The following METRNL variants were observed in gnomAD, a reference collection of about 807,000 sequenced individuals.
METRNL encodes meteorin-like protein.
A neutral mutation model predicts 17.4 loss-of-function variants in METRNL; 9 were observed. The ratio of observed to expected loss-of-function variants is 0.52; its 90% CI spans 0.31 to 0.90. The LOEUF (loss-of-function observed/expected upper bound fraction) is 0.90, where lower values mean the gene tolerates loss of function less well. Among genes scored for constraint, METRNL ranks in the 40% least tolerant of loss-of-function variants. METRNL has a pLI of 0.05. For synonymous variants in METRNL, 215 were observed against 199.3 expected, an observed-to-expected ratio of 1.08 and a Z score of -0.66; for missense variants, 408 against 430.7, an observed-to-expected ratio of 0.95 and a Z score of 0.47.
intron 1 of METRNL, among the ~76,000 whole-genome samples, chr17:83,083,442 A>G (rs1238615090): frequency 5.9e-5 from 9 of 152,206 alleles, no homozygotes; most frequent in Admixed American, 5.9e-4. Context: ...ATAAGAAGAG[A>G]GCTGACTGTA....
chr17:83,082,302 T>A, intron 1 of METRNL: 8 of 978,794 alleles, frequency 8.2e-6, no homozygotes, highest in Non-Finnish European at 8.5e-6. Context: ...GAGCCGGGCA[T>A]TTTGTCCTGG....
At chr17:83,086,461 T>A (rs1314794099) in intron 2 of METRNL, among the ~76,000 whole-genome samples, 1 of 152,164 alleles carries the variant, frequency 6.6e-6, no homozygotes, top group Non-Finnish European at 1.5e-5. Context: ...GCGGCCTTTA[T>A]CTTGGTCACC....
At chr17:83,086,408 C>T (rs745643432) in intron 2 of METRNL, among the ~76,000 whole-genome samples, 4 of 152,220 alleles carry the variant, frequency 2.6e-5, no homozygotes, top group Non-Finnish European at 5.9e-5. Flanking sequence ...GTAAACTCAG[C>T]TGTGCTGTGG....
rs764644615 is a variant in METRNL at position 83,094,395 on chromosome 17, G to T, written c.756G>T (p.Gly252=). 8 of 1,610,324 alleles carry T rather than the reference G, an allele frequency of 5.0e-6. No individual in the cohort carries two copies. In the African/African-American group the frequency reaches 5.3e-5, roughly 11 times the overall value. Residue 252 remains glycine (G), a synonymous_variant, in exon 4 of 4, where the codon GGG becomes GGT. Coordinates refer to ENST00000320095, the MANE Select transcript of METRNL (RefSeq NM_001004431.3). ...CCGAGGGTGACGGCCACTGGCAGGG[G>T]CGCGTCAGGACGCTGCTGGAGTGTG... is the stretch of plus-strand genomic sequence containing the variant. ...PVPEGDGHWQ[G]RVRTLLECGV... is the part of the protein sequence containing the mutation.
chr17:83,086,759 T>G (rs1303694245), intron 2 of METRNL, among the ~76,000 whole-genome samples: 1 of 152,198 alleles, frequency 6.6e-6, no homozygotes, highest in Non-Finnish European at 1.5e-5. Flanking sequence ...TGTGGTGTAG[T>G]CCGTCCCTGC....
rs1438293326 is a variant in METRNL, at chr17:83,084,980, G to A, written c.213G>A (p.Val71=). ...CACACAGGAAGGAGGTGGAGCAGGT[G>A]TATCTGCGCTGTGCGGCGGGTGCCG... ...HEAHRKEVEQ[V]YLRCAAGAVE... Residue 71 remains valine, a synonymous_variant, in exon 2 of 4, where the codon GTG becomes GTA. Transcript: ENST00000320095. The A allele has an allele frequency of 5.0e-6, 8 of 1,613,724 alleles. No homozygotes were observed. The highest frequency in any genetic ancestry group is 6.8e-6 in the Non-Finnish European group (8 of 1,180,008).
chr17:83,094,142 G>A (rs7223467), intron 3 of METRNL, 114 bp from the exon 4 acceptor site: 2 of 844,568 alleles, frequency 2.4e-6, no homozygotes, highest in Middle Eastern at 2.4e-4. Flanking sequence ...TGGCAGAGTC[G>A]GGGGTCAGCT....
At chr17:83,093,056 C>T (rs530088822) in intron 2 of METRNL, 111 bp from the exon 3 acceptor site, 283 of 844,362 alleles carry the variant, frequency 3.4e-4, no homozygotes, top group Non-Finnish European at 4.5e-4. Context: ...TTGACGTGGA[C>T]ACCCTCCCTG....
At chr17:83,085,406 G>C (rs1363823231) in intron 2 of METRNL, 83 bp downstream of exon 2, 4 of 1,461,200 alleles carry the variant, frequency 2.7e-6, no homozygotes, top group Non-Finnish European at 3.7e-6. Flanking sequence ...ATTTCTTCCT[G>C]TCCCCTCGTC....
Position 83,085,096 on chromosome 17 carries a change from C to T in METRNL, c.329C>T (p.Ser110Phe), listed in dbSNP as rs780947872. ...CGGCACCTGACCGTGTGCATCAGGT[C>T]CTTCACGGACTCCTCGGGGGCCAAT... is the stretch of plus-strand genomic sequence containing the variant. ...PARHLTVCIR[S>F]FTDSSGANIY... Residue 110 changes from serine to phenylalanine, a missense_variant, in exon 2 of 4, where the codon TCC (serine) becomes TTC (phenylalanine). Physicochemically the swap from Ser to Phe is radical, Grantham distance 155 (BLOSUM62 -2). Transcript: ENST00000320095. The T allele has an allele frequency of 6.2e-6, 10 of 1,613,812 alleles. No individual in the cohort carries two copies. Among genetic ancestry groups the T allele is most frequent in the Non-Finnish European group, 3.4e-6 (4 of 1,180,044 alleles).
At chr17:83,089,746 CCCGGCGTCCA>C (rs1011358024) in intron 2 of METRNL, among the ~76,000 whole-genome samples, 16 of 152,148 alleles carry the variant, frequency 1.1e-4, no homozygotes, top group East Asian at 5.8e-4. Flanking sequence ...CCGATTGTCT[CCCGGCGTCCA>C]CCGGCGTCCA....
chr17:83,089,021 G>A (rs1057174645), intron 2 of METRNL, among the ~76,000 whole-genome samples: 2 of 152,076 alleles, frequency 1.3e-5, no homozygotes, highest in Admixed American at 6.5e-5. Context: ...TGTGGCCCCC[G>A]CCAGCTTCCT....
chr17:83,089,450 C>T (rs571332981), intron 2 of METRNL, among the ~76,000 whole-genome samples: 16 of 152,228 alleles, frequency 1.1e-4, no homozygotes, highest in South Asian at 4.1e-4. Context: ...AGCCTCTCCT[C>T]GGAACCAGCC....
chr17:83,091,114 C>T (rs1370463596), intron 2 of METRNL, among the ~76,000 whole-genome samples: 2 of 152,142 alleles, frequency 1.3e-5, no homozygotes, highest in Non-Finnish European at 2.9e-5. Flanking sequence ...TGGCCAGAAG[C>T]TCCCATTCTG....
intron 2 of METRNL, among the ~76,000 whole-genome samples, chr17:83,089,138 C>A (rs2143637615): frequency 6.6e-6 from 1 of 152,246 alleles, no homozygotes; most frequent in South Asian, 2.1e-4. Context: ...AGTGCGGCCG[C>A]AGCGCGACGG....
Position 83,090,931 on chromosome 17 carries a change from C to T in METRNL, c.557-2236C>T, listed in dbSNP as rs1262522714. ...ATCAGGCCCAGCATGGTCTGCAGAC[C>T]CCCAGCCGGCGAGTGGGATGGGGGT... On this transcript the variant is annotated intron_variant, in intron 2 of 3. Transcript: ENST00000320095. Among the ~76,000 whole-genome samples the T allele has an allele frequency of 3.9e-5, 6 of 152,116 alleles. No homozygotes were observed. In the East Asian group the frequency reaches 1.2e-3, roughly 29 times the overall value.
chr17:83,088,931 T>G (rs910205858), intron 2 of METRNL, among the ~76,000 whole-genome samples: 1 of 152,166 alleles, frequency 6.6e-6, no homozygotes, highest in African/African-American at 2.4e-5. Context: ...CTCGTCCATC[T>G]TTGGCTTCCT....
chr17:83,093,232 T>C lies in METRNL; in HGVS notation c.616+6T>C, dbSNP rs754010447. On this transcript the variant is annotated splice_donor_region_variant and intron_variant, in intron 3 of 3. Coordinates refer to ENST00000320095, the MANE Select transcript of METRNL (RefSeq NM_001004431.3). The stretch of plus-strand genomic sequence containing the variant: ...CGTCTGCACCAGCGACTTCGGTGAG[T>C]GTCTCCTCGGCAGCTTCTACCTCCT... 2 of 1,606,398 alleles carry C rather than the reference T, an allele frequency of 1.2e-6. No homozygotes were observed. Among genetic ancestry groups the C allele is most frequent in the East Asian group, 4.5e-5 (2 of 44,846 alleles).
intron 1 of METRNL, chr17:83,082,012 C>A (rs2037995389): frequency 1.1e-6 from 1 of 899,164 alleles, no homozygotes; most frequent in Non-Finnish European, 1.3e-6. Context: ...TGGAAAGTTG[C>A]CCCTCATGAC....
Sources: gnomAD v4.1 joint callset for allele counts (sites outside exome capture counted in the v4.1 genomes callset) on GRCh38, gnomAD v4.1.1 for gene constraint, MANE v1.5 for transcripts, NCBI Gene and HGNC (gene_info 2026-07-23, HGNC 2026-07-21) for gene names.